Variants in C5orf24 observed in about 807,000 individuals in gnomAD.
C5orf24 encodes the protein chromosome 5 open reading frame 24.
Under a neutral mutation model 9.8 loss-of-function variants are expected in C5orf24, and 4 were observed. The ratio of observed to expected loss-of-function variants is 0.41; its 90% CI spans 0.20 to 0.93. The LOEUF is 0.93. Among genes scored for constraint, C5orf24 ranks in the 40% least tolerant of loss-of-function variants. The probability of loss-of-function intolerance (pLI) is 0.33; values close to 1 mark genes in which losing one functional copy is unlikely to be tolerated. For synonymous variants in C5orf24, 73 were observed against 81.3 expected (o/e 0.90, Z 0.55); for missense variants, 170 against 236.9 (o/e 0.72, Z 1.85).
chr5:134,853,528 CTTT>C (rs773207000), intron 1 of C5orf24, among the ~76,000 whole-genome samples: 1,136 of 104,206 alleles, frequency 0.011, 10 homozygotes, highest in African/African-American at 0.038. Context: ...TCTTCTTCTT[CTTT>C]TTTTTTTTTT....
intron 1 of C5orf24, chr5:134,846,566 T>A (rs955427152): frequency 6.6e-6 from 1 of 152,240 alleles, no homozygotes. Flanking sequence ...TAGCGGCTTA[T>A]GAATTTTGCT....
Position 134,850,937 on chromosome 5 carries a change from T to TATATATACAC in C5orf24, c.-3-3960_-3-3959insTATATACACA, listed in dbSNP as rs762710710. On this transcript the variant is annotated intron_variant, in intron 1 of 1. Coordinates refer to ENST00000394976, the MANE Select transcript of C5orf24 (RefSeq NM_001135586.1). Reference sequence around the variant, plus strand: ...GAATGTTCATATATATATATATATATACACACACACACACACACTACACAC... The same window carrying TATATATACAC: ...GAATGTTCATATATATATATATATATATATATACACACACACACACACACACACTACACAC... Among the ~76,000 whole-genome samples, 7 of 146,992 alleles carry TATATATACAC rather than the reference T, an allele frequency of 4.8e-5. No homozygotes were observed. In the East Asian group the frequency reaches 5.9e-4, roughly 12 times the overall value.
chr5:134,842,590 T>A (rs1755916228), upstream of C5orf24, among the ~76,000 whole-genome samples: 1 of 151,932 alleles, frequency 6.6e-6, no homozygotes, highest in Non-Finnish European at 1.5e-5. Flanking sequence ...CTTGATCAAA[T>A]ACCCACTAGC....
chr5:134,850,937 T>TATACAC lies in C5orf24; in HGVS notation c.-3-3960_-3-3959insTACACA, dbSNP rs762710710. ...GAATGTTCATATATATATATATATA[T>TATACAC]ACACACACACACACACACTACACAC... On this transcript the variant is annotated intron_variant, in intron 1 of 1. Coordinates refer to ENST00000394976, the MANE Select transcript of C5orf24 (RefSeq NM_001135586.1). 2.4e-3 allele frequency among the ~76,000 whole-genome samples: 346 copies of TATACAC among 147,048 alleles called. 1 individual carries two copies. The highest frequency in any genetic ancestry group is 8.2e-3 in the African/African-American group (326 of 39,890).
chr5:134,856,092 T>C lies in C5orf24; in HGVS notation c.*625T>C. The stretch of plus-strand genomic sequence containing the variant: ...TAACCATTATACCTGAAATAATTCT[T>C]CAGTGTTTGCCTTTGAGCAGTGATA... On this transcript the variant is annotated 3_prime_UTR_variant, in exon 2 of 2. Transcript: ENST00000394976. The C allele has an allele frequency of 1.0e-6, 1 of 1,000,662 alleles. No individual in the cohort carries two copies. Among genetic ancestry groups the C allele is most frequent in the Non-Finnish European group, 1.2e-6 (1 of 830,286 alleles). 62.0% of individuals were successfully genotyped at this position (1,000,662 alleles called of 1,614,324 possible). A position where few individuals can be genotyped will look rare whatever the true frequency, so the allele number is the denominator to read the frequency against.
At chr5:134,846,543 C>G (rs2150171403) in intron 1 of C5orf24, 1 of 152,346 alleles carries the variant, frequency 6.6e-6, no homozygotes, top group South Asian at 2.1e-4. Context: ...TTGCGGAACT[C>G]CGAGTGGACG....
rs1368613894 is a variant in C5orf24 at position 134,846,034 on chromosome 5, G to C, written c.-182G>C. The C allele has an allele frequency of 2.0e-5, 3 of 152,360 alleles. No homozygotes were observed. The highest frequency in any genetic ancestry group is 2.0e-4 in the Admixed American group (3 of 15,280). The allele number at this position is 152,360 out of a possible 1,614,324, so 9.4% of individuals were successfully genotyped here. On this transcript the variant is annotated 5_prime_UTR_variant, in exon 1 of 2. Transcript: ENST00000394976. ...GGCAGGACCGTGCGCGGCGGCCGCG[G>C]CGGGTGCTGGGAGCCAGCGCCTGCC...
upstream of C5orf24, among the ~76,000 whole-genome samples, chr5:134,843,178 T>C (rs534702993): frequency 5.6e-4 from 85 of 152,200 alleles, 1 homozygote; most frequent in African/African-American, 1.9e-3. Context: ...GGTTTCGTCA[T>C]GTTGGCCAGG....
chr5:134,836,763 C>T, the C5orf24 span, among the ~76,000 whole-genome samples: 3 of 150,844 alleles, frequency 2.0e-5, no homozygotes, highest in Admixed American at 6.6e-5. Context: ...AGGCTGGTCT[C>T]GAACTCCTGA....
At position 134,846,000 on chromosome 5, in the gene C5orf24, T is replaced by TGCGTCCGGGGCAGGACCGTGCGCG. The variant is rs2150170977; in HGVS notation, c.-212_-189dup. 1 of 152,358 alleles carries TGCGTCCGGGGCAGGACCGTGCGCG rather than the reference T, an allele frequency of 6.6e-6. No homozygotes were observed. Among genetic ancestry groups the TGCGTCCGGGGCAGGACCGTGCGCG allele is most frequent in the Admixed American group, 6.5e-5 (1 of 15,298 alleles). 9.4% of individuals were successfully genotyped at this position (152,358 alleles called of 1,614,324 possible). On this transcript the variant is annotated 5_prime_UTR_variant, in exon 1 of 2. Coordinates refer to ENST00000394976, the MANE Select transcript of C5orf24 (RefSeq NM_001135586.1). ...CAGGGTGGTAGCGGCCTCTTCGTAC[T>TGCGTCCGGGGCAGGACCGTGCGCG]GCGTCCGGGGCAGGACCGTGCGCGG...
At chr5:134,834,694 A>G in the C5orf24 span, among the ~76,000 whole-genome samples, 6 of 152,078 alleles carry the variant, frequency 3.9e-5, no homozygotes, top group East Asian at 3.9e-4. Flanking sequence ...AGGAGGGTGG[A>G]TCACCTGAGG....
chr5:134,847,895 G>A (rs1756040868), intron 1 of C5orf24, among the ~76,000 whole-genome samples: 1 of 151,960 alleles, frequency 6.6e-6, no homozygotes, highest in Non-Finnish European at 1.5e-5. Context: ...AGAGGGTTTC[G>A]CTGTGTTATC....
Position 134,858,104 on chromosome 5 carries a change from C to G in C5orf24, c.*2637C>G, listed in dbSNP as rs1203989486. 6.0e-6 allele frequency: 1 copy of G among 166,950 alleles called. No homozygotes were observed. The highest frequency in any genetic ancestry group is 1.5e-5 in the Non-Finnish European group (1 of 68,098). 10.3% of individuals were successfully genotyped at this position (166,950 alleles called of 1,614,324 possible). On this transcript the variant is annotated 3_prime_UTR_variant, in exon 2 of 2. Transcript: ENST00000394976. ...GCATGTTCATAACAGTGTTTATTAT[C>G]AGCAGCTATGTCCCAGGAAAAAAAA...
intron 1 of C5orf24, among the ~76,000 whole-genome samples, chr5:134,851,980 A>G (rs1353843981): frequency 6.6e-6 from 1 of 152,182 alleles, no homozygotes; most frequent in African/African-American, 2.4e-5. Context: ...CTTGCTTGTC[A>G]CTCAGGCTGG....
chr5:134,854,188 C>T (rs1756246279), intron 1 of C5orf24, among the ~76,000 whole-genome samples: 2 of 152,074 alleles, frequency 1.3e-5, no homozygotes, highest in African/African-American at 4.8e-5. Flanking sequence ...TAATGGAAAC[C>T]TTTGTTTACC....
intron 1 of C5orf24, among the ~76,000 whole-genome samples, chr5:134,850,792 T>C (rs1467442458): frequency 3.3e-5 from 5 of 152,066 alleles, no homozygotes; most frequent in African/African-American, 1.2e-4. Flanking sequence ...ACTAATTTTT[T>C]AATGGTATGT....
chr5:134,839,537 G>GT, the C5orf24 span, among the ~76,000 whole-genome samples: 1 of 152,092 alleles, frequency 6.6e-6, no homozygotes, highest in African/African-American at 2.4e-5. Context: ...TGGTATTTTA[G>GT]TTTTTTTCAG....
chr5:134,857,163 C>G lies in C5orf24; in HGVS notation c.*1696C>G. 2.3e-6 allele frequency: 3 copies of G among 1,296,216 alleles called. No individual in the cohort carries two copies. The highest frequency in any genetic ancestry group is 3.0e-6 in the Non-Finnish European group (3 of 1,010,008). 80.3% of individuals were successfully genotyped at this position (1,296,216 alleles called of 1,614,324 possible). On this transcript the variant is annotated 3_prime_UTR_variant, in exon 2 of 2. Transcript: ENST00000394976. ...TATAAACTTCAGACTTGAAAAAATT[C>G]CACTTAACTTTAAAGTTACAATGTT... is the stretch of plus-strand genomic sequence containing the variant.
At chr5:134,839,556 G>C in the C5orf24 span, among the ~76,000 whole-genome samples, 1 of 151,998 alleles carries the variant, frequency 6.6e-6, no homozygotes, top group Middle Eastern at 3.2e-3. Flanking sequence ...AGTTTGGCCT[G>C]CTTATATCAA....
Sources: allele counts gnomAD v4.1 joint callset (sites outside exome capture counted in the v4.1 genomes callset), GRCh38; gene constraint gnomAD v4.1.1; transcripts MANE v1.5; gene names NCBI Gene and HGNC (gene_info 2026-07-23, HGNC 2026-07-21).